The following ERC2 variants were observed in gnomAD, a reference collection of about 807,000 sequenced individuals.
ERC2 encodes the protein ERC protein 2.
A neutral mutation model predicts 114.8 loss-of-function variants in ERC2; 42 were observed. The ratio of observed to expected loss-of-function variants is 0.37; its 90% CI spans 0.29 to 0.47. The LOEUF is 0.47. Ranked by LOEUF, ERC2 falls within the 20% of genes least tolerant of loss-of-function variation. ERC2 has a pLI of 0.99. For missense variants in ERC2, 939 were observed against 1,150.7 expected (o/e 0.82, Z 2.66); for synonymous variants, 454 against 425.5 (o/e 1.07, Z -0.82).
intron 13 of ERC2, among the ~76,000 whole-genome samples, chr3:55,910,200 G>C (rs1386997527): frequency 3.9e-5 from 6 of 152,046 alleles, no homozygotes; most frequent in Non-Finnish European, 1.5e-5. Flanking sequence ...GACCAGCCTG[G>C]CCAACATGTT....
chr3:55,926,577 T>C (rs1244891658), intron 13 of ERC2, among the ~76,000 whole-genome samples: 1 of 152,166 alleles, frequency 6.6e-6, no homozygotes, highest in African/African-American at 2.4e-5. Flanking sequence ...TACAGAACAG[T>C]TGAACACAAG....
intron 13 of ERC2, among the ~76,000 whole-genome samples, chr3:55,925,214 CA>C (rs1445649259): frequency 6.6e-6 from 1 of 152,126 alleles, no homozygotes; most frequent in African/African-American, 2.4e-5. Context: ...CAGGGTAAGA[CA>C]ACGGAGGGCA....
chr3:55,969,171 C>T (rs2068970478), intron 12 of ERC2, among the ~76,000 whole-genome samples: 1 of 152,144 alleles, frequency 6.6e-6, no homozygotes, highest in Non-Finnish European at 1.5e-5. Flanking sequence ...GCAATCACTT[C>T]CAAACAACTC....
chr3:55,812,512 AAG>A (rs1448317724), intron 14 of ERC2, among the ~76,000 whole-genome samples: 1 of 152,230 alleles, frequency 6.6e-6, no homozygotes, highest in Non-Finnish European at 1.5e-5. Context: ...AATAGAGAAT[AAG>A]AGAGTCACAA....
At chr3:56,269,080 A>C (rs1462313379) in intron 3 of ERC2, among the ~76,000 whole-genome samples, 1 of 152,230 alleles carries the variant, frequency 6.6e-6, no homozygotes, top group Non-Finnish European at 1.5e-5. Flanking sequence ...AAAACAATGG[A>C]AATTTCATTA....
intron 17 of ERC2, among the ~76,000 whole-genome samples, chr3:55,566,407 C>CTATTTATTTATTTATTTATT (rs113386431): frequency 2.0e-4 from 30 of 147,988 alleles, no homozygotes; most frequent in South Asian, 6.6e-4. Context: ...GCTGGTAATT[C>CTATTTATTTATTTATTTATT]TATTTATTTA....
chr3:55,892,330 C>A (rs2063649134), intron 13 of ERC2, among the ~76,000 whole-genome samples: 1 of 152,106 alleles, frequency 6.6e-6, no homozygotes, highest in Admixed American at 6.6e-5. Flanking sequence ...CCAGGCTGGG[C>A]AACATGGCAA....
chr3:56,299,123 TTTTTTTTGTTTGTTTG>T (rs373970710), intron 2 of ERC2, among the ~76,000 whole-genome samples: 27,607 of 133,228 alleles, frequency 0.21, 1,653 homozygotes, highest in Non-Finnish European at 0.26. Flanking sequence ...TTTTTTGTTT[TTTTTTTTGTTTGTTTG>T]TTTTTTGAGA....
chr3:56,003,153 G>A (rs1210282341), intron 10 of ERC2: 1 of 1,286,722 alleles, frequency 7.8e-7, no homozygotes. Context: ...CAAAGTTGGG[G>A]AGGCATTGAG....
At chr3:56,371,404 C>T (rs536142654) in intron 2 of ERC2, among the ~76,000 whole-genome samples, 148 of 152,326 alleles carry the variant, frequency 9.7e-4, no homozygotes, top group African/African-American at 3.3e-3. Context: ...TACCTGAAGG[C>T]TCCCCTTTTT....
At chr3:56,130,724 T>C (rs1274219482) in intron 6 of ERC2, among the ~76,000 whole-genome samples, 1 of 152,194 alleles carries the variant, frequency 6.6e-6, no homozygotes, top group Non-Finnish European at 1.5e-5. Context: ...ACATTTCAAT[T>C]TCTCCATCAC....
intron 14 of ERC2, among the ~76,000 whole-genome samples, chr3:55,809,503 T>C (rs1352177663): frequency 6.6e-6 from 1 of 152,116 alleles, no homozygotes; most frequent in Non-Finnish European, 1.5e-5. Flanking sequence ...TTGCAAACTA[T>C]TCATCTGACA....
At chr3:55,529,998 C>T (rs1450900723) in intron 17 of ERC2, among the ~76,000 whole-genome samples, 1 of 152,162 alleles carries the variant, frequency 6.6e-6, no homozygotes, top group Non-Finnish European at 1.5e-5. Context: ...AAAGGCTCCT[C>T]TTTATTCTCT....
At chr3:55,629,309 C>G (rs1162816985) in intron 17 of ERC2, among the ~76,000 whole-genome samples, 1 of 152,208 alleles carries the variant, frequency 6.6e-6, no homozygotes, top group African/African-American at 2.4e-5. Flanking sequence ...CTCTAGAAGG[C>G]TTAAGCTGCT....
At chr3:55,978,117 G>A (rs917288999) in intron 12 of ERC2, among the ~76,000 whole-genome samples, 7 of 152,128 alleles carry the variant, frequency 4.6e-5, no homozygotes, top group Non-Finnish European at 7.4e-5. Context: ...ATAAGTTAAC[G>A]AATAAAGGAG....
chr3:55,651,187 G>A (rs1293760347), intron 17 of ERC2, among the ~76,000 whole-genome samples: 1 of 151,938 alleles, frequency 6.6e-6, no homozygotes, highest in African/African-American at 2.4e-5. Flanking sequence ...TTATATGCCA[G>A]TCTGCCCTCA....
intron 13 of ERC2, among the ~76,000 whole-genome samples, chr3:55,931,908 T>G (rs981988438): frequency 6.6e-6 from 1 of 152,218 alleles, no homozygotes; most frequent in South Asian, 2.1e-4. Context: ...TAAGCTGTTT[T>G]CTGCATTTGT....
chr3:56,360,045 C>T (rs1043471983), intron 2 of ERC2, among the ~76,000 whole-genome samples: 6 of 143,082 alleles, frequency 4.2e-5, no homozygotes, highest in African/African-American at 1.3e-4. Flanking sequence ...ATCCTACCCT[C>T]AATAGTAACA....
intron 2 of ERC2, among the ~76,000 whole-genome samples, chr3:56,311,408 C>T (rs2056570965): frequency 1.3e-5 from 2 of 150,534 alleles, no homozygotes; most frequent in African/African-American, 4.9e-5. Context: ...CAGCCATTCT[C>T]CTGCCTCAGC....
Sources: gnomAD v4.1 joint callset for allele counts (sites outside exome capture counted in the v4.1 genomes callset) on GRCh38, gnomAD v4.1.1 for gene constraint, MANE v1.5 for transcripts, NCBI Gene and HGNC (gene_info 2026-07-23, HGNC 2026-07-21) for gene names.